NRXN1: variants seen among roughly 807,000 people sequenced by gnomAD.
The protein encoded by NRXN1 is neurexin-1.
Under a neutral mutation model 150.9 loss-of-function variants are expected in NRXN1, and 39 were observed. That is an observed-to-expected ratio of 0.26 (90% CI 0.20 to 0.34). NRXN1 has a LOEUF of 0.34. Ranked by LOEUF, NRXN1 falls within the 10% of genes least tolerant of loss-of-function variation. The pLI is 1.00. For missense variants in NRXN1, 1,815 were observed against 1,949.9 expected (o/e 0.93, Z 1.30); for synonymous variants, 924 against 757.0 (o/e 1.22, Z -3.62).
chr2:50,079,554 T>A (rs1448729238), intron 19 of NRXN1, among the ~76,000 whole-genome samples: 2 of 152,126 alleles, frequency 1.3e-5, no homozygotes, highest in East Asian at 3.9e-4. Flanking sequence ...ATGTATTTAA[T>A]TGTTATATCT....
rs560946959 is a variant in NRXN1 at position 49,994,491 on chromosome 2, G to A, written c.4129-50700C>T. Among the ~76,000 whole-genome samples the A allele has an allele frequency of 2.0e-5, 3 of 152,278 alleles. No individual in the cohort carries two copies. The South Asian group carries it at 6.2e-4, about 32-fold the overall frequency. ...GCCAGAATATCCAAAATAATTTATT[G>A]CATTCTACACCCATGGATTCCTGAA... On this transcript the variant is annotated intron_variant, in intron 21 of 22. Transcript: ENST00000401669.
Position 51,028,021 on chromosome 2 carries a change from G to A in NRXN1, c.253C>T (p.Arg85Cys). The change falls in exon 2 of 23, where the codon CGC becomes TGC. Residue 85 changes from arginine to cysteine, a missense_variant. This residue lies in a region of NRXN1 where 554 missense variants were observed against 478.8 expected (regional missense o/e 1.16). Coordinates refer to ENST00000401669, the MANE Select transcript of NRXN1 (RefSeq NM_001330078.2). ...FCDFLELILT[R>C]GGRLQLSFSI... ...AAGCTGAGCTGCAGGCGGCCGCCGC[G>A]CGTCAGAATCAGCTCCAGGAAGTCG... The A allele has an allele frequency of 6.3e-7, 1 of 1,599,712 alleles. No homozygotes were observed. Among genetic ancestry groups the A allele is most frequent in the African/African-American group, 1.3e-5 (1 of 74,972 alleles).
At chr2:50,836,774 G>A (rs1378991039) in intron 5 of NRXN1, among the ~76,000 whole-genome samples, 1 of 148,358 alleles carries the variant, frequency 6.7e-6, no homozygotes, top group Non-Finnish European at 1.5e-5. Context: ...ACAAATTTGC[G>A]AACTCTTTAG....
At chr2:50,685,603 T>A (rs141530784) in intron 5 of NRXN1, among the ~76,000 whole-genome samples, 1 of 152,256 alleles carries the variant, frequency 6.6e-6, no homozygotes, top group East Asian at 1.9e-4. Context: ...CTCAATATCC[T>A]CCAATGAGTA....
At chr2:50,126,799 C>G (rs748424852) in intron 18 of NRXN1, among the ~76,000 whole-genome samples, 1 of 152,072 alleles carries the variant, frequency 6.6e-6, no homozygotes, top group Non-Finnish European at 1.5e-5. Context: ...TTATGCATTG[C>G]TGCCTGTCCC....
At chr2:51,020,069 T>A (rs1669349282) in intron 2 of NRXN1, among the ~76,000 whole-genome samples, 1 of 151,758 alleles carries the variant, frequency 6.6e-6, no homozygotes. Flanking sequence ...TTTTTTTTTT[T>A]AAGTTGAGGG....
intron 17 of NRXN1, among the ~76,000 whole-genome samples, chr2:50,241,687 C>A (rs965743892): frequency 1.3e-5 from 2 of 151,746 alleles, no homozygotes; most frequent in Non-Finnish European, 2.9e-5. Context: ...TATACATGGG[C>A]TCCCGTATCT....
chr2:50,669,342 A>G (rs1688515539), intron 5 of NRXN1, among the ~76,000 whole-genome samples: 1 of 151,942 alleles, frequency 6.6e-6, no homozygotes, highest in Non-Finnish European at 1.5e-5. Context: ...AGTCCCAGAG[A>G]GGTTTTGGAG....
chr2:50,090,552 A>AT (rs1381583693), intron 19 of NRXN1, among the ~76,000 whole-genome samples: 1 of 152,152 alleles, frequency 6.6e-6, no homozygotes, highest in Non-Finnish European at 1.5e-5. Context: ...CTTAAAAAGC[A>AT]TATTTGTTTT....
At chr2:50,130,064 C>T (rs1231820707) in intron 18 of NRXN1, among the ~76,000 whole-genome samples, 2 of 152,082 alleles carry the variant, frequency 1.3e-5, no homozygotes, top group Non-Finnish European at 2.9e-5. Flanking sequence ...TTATTATTCC[C>T]GTTTTACAGA....
chr2:50,726,261 G>A (rs968049556), intron 5 of NRXN1, among the ~76,000 whole-genome samples: 24 of 152,234 alleles, frequency 1.6e-4, no homozygotes, highest in African/African-American at 4.8e-4. Flanking sequence ...TTTCCATTAC[G>A]TGGTTTAATC....
At chr2:49,942,342 C>T (rs892244809) in intron 22 of NRXN1, among the ~76,000 whole-genome samples, 5 of 152,082 alleles carry the variant, frequency 3.3e-5, no homozygotes, top group Admixed American at 2.6e-4. Flanking sequence ...GCTCTCTAAG[C>T]GCTACAGTCA....
In NRXN1 at chr2:50,840,347, C is replaced by G. The variant is rs1485289612; in HGVS notation, c.832+81522G>C. On this transcript the variant is annotated intron_variant, in intron 5 of 22. Coordinates refer to ENST00000401669, the MANE Select transcript of NRXN1 (RefSeq NM_001330078.2). ...TCTTTTAATATCCTTAGGTGAAAAA[C>G]TCAAAAGATACACTTATGATTAACA... 2.0e-5 allele frequency among the ~76,000 whole-genome samples: 3 copies of G among 152,068 alleles called. No homozygotes were observed. In the South Asian group the frequency reaches 6.2e-4, roughly 31 times the overall value.
At chr2:50,142,411 T>A (rs1707405291) in intron 18 of NRXN1, among the ~76,000 whole-genome samples, 4 of 151,882 alleles carry the variant, frequency 2.6e-5, no homozygotes, top group Non-Finnish European at 5.9e-5. Context: ...GTAGGGTGAC[T>A]ATAGTTAATA....
chr2:50,232,651 C>G (rs957577275), intron 18 of NRXN1, among the ~76,000 whole-genome samples: 1 of 151,940 alleles, frequency 6.6e-6, no homozygotes, highest in South Asian at 2.1e-4. Flanking sequence ...TCCCAAAGTG[C>G]TAGGATTACA....
intron 5 of NRXN1, among the ~76,000 whole-genome samples, chr2:50,716,981 A>G (rs571331176): frequency 5.9e-5 from 9 of 152,258 alleles, no homozygotes; most frequent in African/African-American, 2.2e-4. Context: ...CATGCAAAGT[A>G]CCATTTTTAG....
intron 17 of NRXN1, among the ~76,000 whole-genome samples, chr2:50,352,631 A>G (rs1572644847): frequency 6.6e-6 from 1 of 151,888 alleles, no homozygotes; most frequent in Middle Eastern, 3.2e-3. Context: ...GTCAGTAAAA[A>G]GGGACAGACT....
At chr2:50,112,198 G>A (rs541858417) in intron 18 of NRXN1, among the ~76,000 whole-genome samples, 6 of 152,128 alleles carry the variant, frequency 3.9e-5, no homozygotes, top group Non-Finnish European at 5.9e-5. Context: ...TCCCATCTGT[G>A]TTGCCTTTGC....
intron 18 of NRXN1, among the ~76,000 whole-genome samples, chr2:50,175,991 G>C (rs865919751): frequency 6.6e-6 from 1 of 152,226 alleles, no homozygotes; most frequent in Middle Eastern, 3.4e-3. Context: ...CAGTCAACAA[G>C]CACTTACTGA....
Sources: gnomAD v4.1 joint callset for allele counts (sites outside exome capture counted in the v4.1 genomes callset) on GRCh38, gnomAD v4.1.1 for gene constraint, gnomAD v4.1.1 regional missense constraint, MANE v1.5 for transcripts, NCBI Gene and HGNC (gene_info 2026-07-23, HGNC 2026-07-21) for gene names.